Variants in RNF144A observed in about 807,000 individuals in gnomAD.
The protein encoded by RNF144A is ring finger protein 144A.
RNF144A carries 11 observed loss-of-function variants against 38.7 expected under a neutral mutation model. The ratio of observed to expected loss-of-function variants is 0.28; its 90% CI spans 0.18 to 0.47. RNF144A has a LOEUF of 0.47. Among genes scored for constraint, RNF144A ranks in the 20% least tolerant of loss-of-function variants. The pLI is 0.99. For missense variants in RNF144A, 316 were observed against 377.2 expected (o/e 0.84, Z 1.34); for synonymous variants, 149 against 143.9 (o/e 1.04, Z -0.25).
intron 2 of RNF144A, among the ~76,000 whole-genome samples, chr2:6,990,491 T>A (rs1669281484): frequency 7.1e-6 from 1 of 141,316 alleles, no homozygotes; most frequent in African/African-American, 2.6e-5. Flanking sequence ...TAGCATAGCA[T>A]ATATATTATA....
chr2:6,980,764 G>A (rs184447351), intron 2 of RNF144A, among the ~76,000 whole-genome samples: 1 of 152,240 alleles, frequency 6.6e-6, no homozygotes, highest in Non-Finnish European at 1.5e-5. Flanking sequence ...CCCCAGTGGG[G>A]ACTCAGTGTG....
chr2:6,965,350 C>T (rs1320054257), intron 2 of RNF144A, among the ~76,000 whole-genome samples: 5 of 152,194 alleles, frequency 3.3e-5, no homozygotes, highest in Non-Finnish European at 5.9e-5. Flanking sequence ...GCGGCCCCCA[C>T]CACACATGTG....
At chr2:6,965,939 A>AG (rs1281300993) in intron 2 of RNF144A, among the ~76,000 whole-genome samples, 1 of 152,172 alleles carries the variant, frequency 6.6e-6, no homozygotes, top group African/African-American at 2.4e-5. Context: ...AAGAAAGAAA[A>AG]GGAAAAAAGA....
At chr2:7,064,297 T>G (rs1196038899) in intron 6 of RNF144A, among the ~76,000 whole-genome samples, 1 of 152,114 alleles carries the variant, frequency 6.6e-6, no homozygotes, top group Non-Finnish European at 1.5e-5. Flanking sequence ...TTGCCAAACA[T>G]GCTTTGAAGA....
At chr2:7,051,074 G>A (rs951426882) in intron 6 of RNF144A, among the ~76,000 whole-genome samples, 3 of 152,200 alleles carry the variant, frequency 2.0e-5, no homozygotes, top group African/African-American at 7.2e-5. Context: ...GCGGCAGGCC[G>A]GAAGGTGATG....
At chr2:7,032,791 T>C (rs1346847086) in intron 8 of RNF144A, among the ~76,000 whole-genome samples, 1 of 152,218 alleles carries the variant, frequency 6.6e-6, no homozygotes, top group Non-Finnish European at 1.5e-5. Flanking sequence ...CATTCTGAGA[T>C]ACTAGGGGGC....
At chr2:6,945,493 G>A (rs1666278656) in intron 2 of RNF144A, among the ~76,000 whole-genome samples, 1 of 152,162 alleles carries the variant, frequency 6.6e-6, no homozygotes, top group South Asian at 2.1e-4. Flanking sequence ...TCTTCTCTGA[G>A]CCTTCCTGGT....
chr2:7,009,527 G>GC (rs1670662426), intron 3 of RNF144A, among the ~76,000 whole-genome samples: 2 of 55,480 alleles, frequency 3.6e-5, no homozygotes, highest in Non-Finnish European at 7.6e-5. Flanking sequence ...AAAGTCTGGG[G>GC]CTTTTTTTTT....
At chr2:6,925,489 T>C (rs930033540) in intron 1 of RNF144A, among the ~76,000 whole-genome samples, 7 of 152,198 alleles carry the variant, frequency 4.6e-5, no homozygotes, top group African/African-American at 1.7e-4. Context: ...TACTTTCTTC[T>C]TGTTATCATG....
downstream of RNF144A, among the ~76,000 whole-genome samples, chr2:7,044,538 C>T (rs906779694): frequency 7.2e-5 from 11 of 152,154 alleles, 1 homozygote; most frequent in East Asian, 3.9e-4. Context: ...TGCTTCCATC[C>T]GCAAAGACAA....
rs527914425 is a variant in RNF144A, at chr2:7,018,097, G to A, written c.302-2376G>A. Among the ~76,000 whole-genome samples the A allele has an allele frequency of 3.9e-5, 6 of 152,258 alleles. No individual in the cohort carries two copies. The South Asian group carries it at 1.2e-3, about 32-fold the overall frequency. ...CAGGAGGTGGTGCATGACAAATCAC[G>A]TGCATGAAGAGACCGAGACCCAGCT... On this transcript the variant is annotated intron_variant, in intron 5 of 8. Transcript: ENST00000320892.
In RNF144A at chr2:7,020,675, G is replaced by T; in HGVS notation, c.504G>T (p.Glu168Asp). 6.2e-7 allele frequency: 1 copy of T among 1,602,284 alleles called. No individual in the cohort carries two copies. Among genetic ancestry groups the T allele is most frequent in the Non-Finnish European group, 8.5e-7 (1 of 1,179,872 alleles). ...ETMPITFLPG[E>D]TSAAFKMEED... is the part of the protein sequence containing the mutation. ...TGCCGATCACCTTCCTCCCCGGGGAGACCAGGTACCCTTTGTACACAAGCT... is the reference window on the plus strand; with the variant it reads ...TGCCGATCACCTTCCTCCCCGGGGATACCAGGTACCCTTTGTACACAAGCT... Residue 168 changes from glutamate to aspartate, a missense_variant, in exon 6 of 9, where the codon GAG becomes GAT. Transcript: ENST00000320892.
intron 2 of RNF144A, among the ~76,000 whole-genome samples, chr2:6,988,372 C>G (rs560437149): frequency 6.6e-6 from 1 of 152,320 alleles, no homozygotes; most frequent in South Asian, 2.1e-4. Context: ...GTTCCAAGTT[C>G]TCTCATTGCA....
chr2:7,012,511 A>G (rs576082460), intron 3 of RNF144A, among the ~76,000 whole-genome samples: 8 of 152,298 alleles, frequency 5.3e-5, no homozygotes, highest in African/African-American at 1.7e-4. Context: ...GAAGCCTACA[A>G]TCTTTCTCCC....
At chr2:6,952,813 AT>A (rs1456854942) in intron 2 of RNF144A, among the ~76,000 whole-genome samples, 2 of 151,976 alleles carry the variant, frequency 1.3e-5, no homozygotes, top group African/African-American at 4.8e-5. Context: ...CTGCTTTTCA[AT>A]TTAATTCGCA....
At chr2:7,013,893 T>A (rs1325994932) in intron 3 of RNF144A, among the ~76,000 whole-genome samples, 1 of 152,154 alleles carries the variant, frequency 6.6e-6, no homozygotes, top group African/African-American at 2.4e-5. Flanking sequence ...CCAAATACAG[T>A]TGGGTTCTCA....
intron 2 of RNF144A, among the ~76,000 whole-genome samples, chr2:6,990,161 T>C: frequency 6.6e-6 from 1 of 152,114 alleles, no homozygotes. Flanking sequence ...TTCTGGAGGC[T>C]GGAAGTCTGA....
At chr2:6,965,581 CT>C (rs534671326) in intron 2 of RNF144A, among the ~76,000 whole-genome samples, 140 of 152,234 alleles carry the variant, frequency 9.2e-4, no homozygotes, top group Non-Finnish European at 1.8e-3. Flanking sequence ...GGCGGTGACT[CT>C]GTCTCAGTGG....
chr2:7,008,321 G>A (rs968732562), intron 3 of RNF144A, among the ~76,000 whole-genome samples: 2 of 152,236 alleles, frequency 1.3e-5, no homozygotes, highest in Non-Finnish European at 2.9e-5. Context: ...GTAGACCGCA[G>A]TGTAGCTGCA....
Sources: allele counts gnomAD v4.1 joint callset (sites outside exome capture counted in the v4.1 genomes callset), GRCh38; gene constraint gnomAD v4.1.1; transcripts MANE v1.5; gene names NCBI Gene and HGNC (gene_info 2026-07-23, HGNC 2026-07-21).